The following SKAP1 variants were observed in gnomAD, a reference collection of about 807,000 sequenced individuals.
SKAP1 encodes src kinase associated phosphoprotein 1.
A neutral mutation model predicts 58.5 loss-of-function variants in SKAP1; 44 were observed. That is an observed-to-expected ratio of 0.75 (90% CI 0.59 to 0.97). The LOEUF (loss-of-function observed/expected upper bound fraction) is 0.97, where lower values mean the gene tolerates loss of function less well. Ranked by LOEUF, SKAP1 falls within the 50% of genes least tolerant of loss-of-function variation. The probability of loss-of-function intolerance (pLI) is 0.00; values close to 1 mark genes in which losing one functional copy is unlikely to be tolerated. For synonymous variants in SKAP1, 127 were observed against 149.7 expected (o/e 0.85, Z 1.11); for missense variants, 390 against 435.2 (o/e 0.90, Z 0.92).
intron 4 of SKAP1, among the ~76,000 whole-genome samples, chr17:48,333,577 T>C (rs1471147171): frequency 6.6e-6 from 1 of 152,136 alleles, no homozygotes; most frequent in Non-Finnish European, 1.5e-5. Flanking sequence ...ACGTTTTATA[T>C]TGCTGGAAAA....
intron 3 of SKAP1, among the ~76,000 whole-genome samples, chr17:48,354,978 A>G (rs1313388899): frequency 4.6e-5 from 7 of 152,228 alleles, no homozygotes; most frequent in African/African-American, 1.7e-4. Flanking sequence ...ATTCTTATGT[A>G]AAAATTCTAT....
intron 4 of SKAP1, among the ~76,000 whole-genome samples, chr17:48,192,180 T>A (rs1598412193): frequency 6.7e-6 from 1 of 148,998 alleles, no homozygotes; most frequent in African/African-American, 2.5e-5. Flanking sequence ...CTCTGCCTCT[T>A]AAAAAAAAAA....
intron 2 of SKAP1, among the ~76,000 whole-genome samples, chr17:48,373,026 T>C (rs1261682914): frequency 6.6e-6 from 1 of 152,186 alleles, no homozygotes; most frequent in Non-Finnish European, 1.5e-5. Context: ...CAAGATCACA[T>C]AGCTACTAAG....
Position 48,266,989 on chromosome 17 carries a change from A to G in SKAP1, c.281-77489T>C, listed in dbSNP as rs192966576. On this transcript the variant is annotated intron_variant, in intron 4 of 12. Transcript: ENST00000336915. ...AACACGAAATGCTTTCACTGCTTGA[A>G]GGAAAGCCCTCATAGAACATAGCAG... Among the ~76,000 whole-genome samples, 4 of 152,320 alleles carry G rather than the reference A, an allele frequency of 2.6e-5. No individual in the cohort carries two copies. In the East Asian group the frequency reaches 5.8e-4, roughly 22 times the overall value.
At chr17:48,233,602 C>A (rs2065147699) in intron 4 of SKAP1, among the ~76,000 whole-genome samples, 1 of 151,988 alleles carries the variant, frequency 6.6e-6, no homozygotes, top group South Asian at 2.1e-4. Flanking sequence ...CACCTGTAAT[C>A]CCAGCACTTT....
chr17:48,279,915 T>A (rs868771439), intron 4 of SKAP1, among the ~76,000 whole-genome samples: 1 of 152,176 alleles, frequency 6.6e-6, no homozygotes, highest in Non-Finnish European at 1.5e-5. Flanking sequence ...AGGCCAGCAT[T>A]TAACCCAAGG....
chr17:48,429,572 T>C (rs1598694921), intron 1 of SKAP1, among the ~76,000 whole-genome samples: 1 of 152,106 alleles, frequency 6.6e-6, no homozygotes, highest in East Asian at 1.9e-4. Flanking sequence ...GTTTTCGCAC[T>C]GACAAAAACT....
chr17:48,233,911 C>G (rs537601315), intron 4 of SKAP1, among the ~76,000 whole-genome samples: 1 of 152,132 alleles, frequency 6.6e-6, no homozygotes, highest in Non-Finnish European at 1.5e-5. Context: ...CAGCTTCTCT[C>G]TCTGCATCCC....
the SKAP1 span, among the ~76,000 whole-genome samples, chr17:48,444,488 A>C: frequency 6.6e-6 from 1 of 152,250 alleles, no homozygotes; most frequent in African/African-American, 2.4e-5. Context: ...TTTTCAGAGA[A>C]GTAGAAAGTG....
intron 4 of SKAP1, among the ~76,000 whole-genome samples, chr17:48,220,809 C>T (rs1444739961): frequency 3.9e-5 from 5 of 127,432 alleles, no homozygotes; most frequent in East Asian, 2.5e-4. Context: ...GCCCAGATTG[C>T]GCCACTGCAC....
intron 4 of SKAP1, among the ~76,000 whole-genome samples, chr17:48,312,057 T>C (rs1257067772): frequency 6.6e-6 from 1 of 152,240 alleles, no homozygotes; most frequent in Non-Finnish European, 1.5e-5. Flanking sequence ...TGTGTTTATA[T>C]TTGAAGTACT....
intron 1 of SKAP1, among the ~76,000 whole-genome samples, chr17:48,400,681 G>A (rs1374215224): frequency 6.6e-6 from 1 of 151,980 alleles, no homozygotes; most frequent in Non-Finnish European, 1.5e-5. Context: ...CAGGGAGGTT[G>A]AGGCTGCAGT....
chr17:48,265,727 G>A (rs1332962687), intron 4 of SKAP1, among the ~76,000 whole-genome samples: 6 of 152,088 alleles, frequency 3.9e-5, no homozygotes, highest in South Asian at 2.1e-4. Context: ...TAACACACCC[G>A]AACTGTAACC....
intron 4 of SKAP1, among the ~76,000 whole-genome samples, chr17:48,289,749 G>C (rs1241652052): frequency 6.6e-6 from 1 of 151,668 alleles, no homozygotes; most frequent in Non-Finnish European, 1.5e-5. Flanking sequence ...CATCCTTTCA[G>C]TATTTTTATC....
rs149114196 is a variant in SKAP1 at position 48,150,764 on chromosome 17, G to A, written c.978+11705C>T. Among the ~76,000 whole-genome samples, 7 of 152,322 alleles carry A rather than the reference G, an allele frequency of 4.6e-5. No individual in the cohort carries two copies. In the East Asian group the frequency reaches 5.8e-4, roughly 13 times the overall value. ...CATCCACAAAGTAGAGCGAGCAAGC[G>A]TGTACACGACAACGGGTATTTATAG... is the stretch of plus-strand genomic sequence containing the variant. On this transcript the variant is annotated intron_variant, in intron 11 of 12. Coordinates refer to ENST00000336915, the MANE Select transcript of SKAP1 (RefSeq NM_003726.4).
intron 2 of SKAP1, among the ~76,000 whole-genome samples, chr17:48,382,860 C>T (rs1249502492): frequency 3.9e-5 from 6 of 152,270 alleles, no homozygotes; most frequent in Non-Finnish European, 7.4e-5. Flanking sequence ...TAAAAAAGGA[C>T]GTTGAACCCA....
intron 9 of SKAP1, among the ~76,000 whole-genome samples, chr17:48,174,209 C>A (rs968942264): frequency 6.6e-6 from 1 of 152,130 alleles, no homozygotes; most frequent in Non-Finnish European, 1.5e-5. Flanking sequence ...CTAAGCTCTA[C>A]GATGATGGAT....
At chr17:48,430,817 G>A (rs987396839), upstream of SKAP1, among the ~76,000 whole-genome samples, 7 of 152,206 alleles carry the variant, frequency 4.6e-5, no homozygotes, top group Non-Finnish European at 8.8e-5. Context: ...GGAAAGGAAG[G>A]GGTAACACAG....
At chr17:48,415,663 G>A (rs1480076339) in intron 1 of SKAP1, among the ~76,000 whole-genome samples, 2 of 152,022 alleles carry the variant, frequency 1.3e-5, no homozygotes, top group South Asian at 2.1e-4. Context: ...CTTCCCTTTC[G>A]GCCCTTCCAC....
Sources: gnomAD v4.1 joint callset for allele counts (sites outside exome capture counted in the v4.1 genomes callset) on GRCh38, gnomAD v4.1.1 for gene constraint, MANE v1.5 for transcripts, NCBI Gene and HGNC (gene_info 2026-07-23, HGNC 2026-07-21) for gene names.